MPZL1: variants seen among roughly 807,000 people sequenced by gnomAD.
The protein encoded by MPZL1 is myelin protein zero-like protein 1.
Under a neutral mutation model 29.3 loss-of-function variants are expected in MPZL1, and 16 were observed. That is an observed-to-expected ratio of 0.55 (90% confidence interval 0.37 to 0.83). The LOEUF (loss-of-function observed/expected upper bound fraction) is 0.83. Ranked by LOEUF, MPZL1 falls within the 40% of genes least tolerant of loss-of-function variation. The pLI is 0.00. For synonymous variants in MPZL1, 143 were observed against 132.0 expected (o/e 1.08, Z -0.57); for missense variants, 279 against 332.9 (o/e 0.84, Z 1.26).
intron 5 of MPZL1, among the ~76,000 whole-genome samples, chr1:167,779,847 G>A (rs541775139): frequency 1.5e-4 from 23 of 152,228 alleles, no homozygotes; most frequent in Admixed American, 4.6e-4. Context: ...CTCTATCTCC[G>A]AATGGCAATA....
intron 1 of MPZL1, among the ~76,000 whole-genome samples, chr1:167,764,073 C>T (rs1353395579): frequency 2.0e-5 from 3 of 152,054 alleles, no homozygotes; most frequent in African/African-American, 4.8e-5. Flanking sequence ...TTATTCTGCC[C>T]GTCTGTTACA....
rs1396842954 is a variant in MPZL1 at position 167,722,579 on chromosome 1, C to T, written c.91+337C>T. ...GAGCCCTCGCGGCGCACCCTGCCCT[C>T]TCCTCGTGGTGACTCTGGATCGTCT... is the stretch of plus-strand genomic sequence containing the variant. On this transcript the variant is annotated intron_variant, in intron 1 of 5. Coordinates refer to ENST00000359523, the MANE Select transcript of MPZL1 (RefSeq NM_003953.6). Among the ~76,000 whole-genome samples, 3 of 152,332 alleles carry T rather than the reference C, an allele frequency of 2.0e-5. No homozygotes were observed. The South Asian group carries it at 6.2e-4, about 32-fold the overall frequency.
chr1:167,727,142 A>C (rs1321353127), intron 1 of MPZL1, among the ~76,000 whole-genome samples: 1 of 152,208 alleles, frequency 6.6e-6, no homozygotes, highest in Non-Finnish European at 1.5e-5. Flanking sequence ...GGTCTTTCCC[A>C]CTGAGTTTTA....
chr1:167,736,298 A>G (rs74120649), intron 1 of MPZL1, among the ~76,000 whole-genome samples: 112 of 152,272 alleles, frequency 7.4e-4, no homozygotes, highest in African/African-American at 2.5e-3. Context: ...GTTTGTTGAC[A>G]GTGAATATGT....
intron 1 of MPZL1, among the ~76,000 whole-genome samples, chr1:167,739,310 C>CATATATATATATATATATATATATATAT (rs68082264): frequency 9.9e-6 from 1 of 101,374 alleles, no homozygotes; most frequent in African/African-American, 5.0e-5. Flanking sequence ...TATATATATA[C>CATATATATATATATATATATATATATAT]ACATATATAT....
chr1:167,725,907 C>T (rs189274088), intron 1 of MPZL1, among the ~76,000 whole-genome samples: 18 of 152,336 alleles, frequency 1.2e-4, no homozygotes, highest in Non-Finnish European at 2.2e-4. Context: ...TGAGCCACCA[C>T]GCCCAGTACT....
chr1:167,746,576 T>G (rs1660651616), intron 1 of MPZL1, among the ~76,000 whole-genome samples: 1 of 152,192 alleles, frequency 6.6e-6, no homozygotes, highest in Admixed American at 6.5e-5. Context: ...AAGGGAGAAC[T>G]TTACCAAGGG....
chr1:167,772,024 GAGGCAGGAGAATCACAGGAGC>G (rs1661261856), intron 2 of MPZL1, among the ~76,000 whole-genome samples: 2 of 151,798 alleles, frequency 1.3e-5, no homozygotes, highest in South Asian at 4.2e-4. Context: ...TCGGCAGCCC[GAGGCAGGAGAATCACAGGAGC>G]CCGAGGCAGG....
chr1:167,742,587 T>C (rs1477468046), intron 1 of MPZL1, among the ~76,000 whole-genome samples: 3 of 152,124 alleles, frequency 2.0e-5, no homozygotes, highest in Non-Finnish European at 4.4e-5. Context: ...ACTCTGTGGG[T>C]TGTCTGTTTA....
chr1:167,736,265 G>C (rs994566737), intron 1 of MPZL1, among the ~76,000 whole-genome samples: 1 of 152,094 alleles, frequency 6.6e-6, no homozygotes, highest in African/African-American at 2.4e-5. Context: ...GCTTGTCTTT[G>C]GTAATTTCGT....
At chr1:167,761,357 A>G (rs1048946596) in intron 1 of MPZL1, among the ~76,000 whole-genome samples, 4 of 152,240 alleles carry the variant, frequency 2.6e-5, no homozygotes, top group Non-Finnish European at 5.9e-5. Flanking sequence ...TGCTGGATCA[A>G]TAAATGTCCT....
At chr1:167,775,044 G>A (rs1661336084) in intron 4 of MPZL1, among the ~76,000 whole-genome samples, 1 of 152,150 alleles carries the variant, frequency 6.6e-6, no homozygotes, top group African/African-American at 2.4e-5. Context: ...GTTACATAGA[G>A]TTTTTATGCA....
chr1:167,751,557 G>C (rs2101768084), intron 1 of MPZL1, among the ~76,000 whole-genome samples: 1 of 151,876 alleles, frequency 6.6e-6, no homozygotes, highest in Admixed American at 6.6e-5. Flanking sequence ...TGTAATCCCA[G>C]CTACTCAGGA....
rs1159371671 is a variant in MPZL1 at position 167,773,326 on chromosome 1, C to G, written c.563C>G (p.Ala188Gly). 3 of 1,613,908 alleles carry G rather than the reference C, an allele frequency of 1.9e-6. No individual in the cohort carries two copies. The highest frequency in any genetic ancestry group is 2.5e-6 in the Non-Finnish European group (3 of 1,179,928). Reference protein sequence around the residue: ...GLTLLISMILAVLYRRKNSKR... With the variant: ...GLTLLISMILGVLYRRKNSKR... ...ACTCTGCTCATCAGCATGATTCTGG[C>G]TGTCCTCTATAGAAGGAAAAACTCT... The change falls in exon 4 of 6, where the codon GCT becomes GGT. Residue 188 changes from alanine to glycine, a missense_variant. Physicochemically the swap from Ala to Gly is moderately conservative, Grantham distance 60. Coordinates refer to ENST00000359523, the MANE Select transcript of MPZL1 (RefSeq NM_003953.6).
At chr1:167,777,541 G>A (rs996842930) in intron 5 of MPZL1, among the ~76,000 whole-genome samples, 1 of 151,576 alleles carries the variant, frequency 6.6e-6, no homozygotes, top group Non-Finnish European at 1.5e-5. Context: ...AGGAGGCTAA[G>A]ATTTATGAGG....
At chr1:167,738,951 C>T (rs1044521824) in intron 1 of MPZL1, among the ~76,000 whole-genome samples, 5 of 151,878 alleles carry the variant, frequency 3.3e-5, no homozygotes, top group African/African-American at 7.3e-5. Context: ...TTTGGTTTTT[C>T]GGAGTTTTTT....
chr1:167,727,631 G>T (rs538383291), intron 1 of MPZL1, among the ~76,000 whole-genome samples: 8 of 146,012 alleles, frequency 5.5e-5, no homozygotes, highest in African/African-American at 1.7e-4. Flanking sequence ...AAGCCTTCAT[G>T]TATCTTGAAT....
At chr1:167,746,560 A>G (rs1353157042) in intron 1 of MPZL1, among the ~76,000 whole-genome samples, 1 of 152,202 alleles carries the variant, frequency 6.6e-6, no homozygotes, top group Non-Finnish European at 1.5e-5. Flanking sequence ...CCCTGGAATC[A>G]GATGGAAGGG....
intron 1 of MPZL1, among the ~76,000 whole-genome samples, chr1:167,750,025 A>T (rs1660723396): frequency 6.6e-6 from 1 of 152,242 alleles, no homozygotes; most frequent in African/African-American, 2.4e-5. Flanking sequence ...TATGTTCCTA[A>T]TGTCCACACA....
Sources: allele counts gnomAD v4.1 joint callset (sites outside exome capture counted in the v4.1 genomes callset), GRCh38; gene constraint gnomAD v4.1.1; transcripts MANE v1.5; gene names NCBI Gene and HGNC (gene_info 2026-07-23, HGNC 2026-07-21).